SNX9: variants seen among roughly 807,000 people sequenced by gnomAD.
SNX9 encodes sorting nexin-9.
SNX9 carries 44 observed loss-of-function variants against 89.4 expected under a neutral mutation model. That is an observed-to-expected ratio of 0.49 (90% CI 0.39 to 0.63). The LOEUF (loss-of-function observed/expected upper bound fraction) is 0.63, where lower values mean the gene tolerates loss of function less well. Among genes scored for constraint, SNX9 ranks in the 30% least tolerant of loss-of-function variants. The pLI is 0.00. For missense variants in SNX9, 578 were observed against 736.1 expected (o/e 0.79, Z 2.49); for synonymous variants, 236 against 247.8 (o/e 0.95, Z 0.45).
chr6:157,908,403 C>A (rs1783263357), intron 7 of SNX9, among the ~76,000 whole-genome samples: 1 of 152,148 alleles, frequency 6.6e-6, no homozygotes, highest in African/African-American at 2.4e-5. Context: ...AATTATTTTT[C>A]ATTTTCAAGC....
At chr6:157,887,498 C>T (rs1782760135) in intron 4 of SNX9, among the ~76,000 whole-genome samples, 1 of 152,196 alleles carries the variant, frequency 6.6e-6, no homozygotes, top group African/African-American at 2.4e-5. Flanking sequence ...TATCCTCCCA[C>T]CACAGAGACC....
At chr6:157,873,647 T>C (rs1299781390) in intron 3 of SNX9, among the ~76,000 whole-genome samples, 1 of 149,058 alleles carries the variant, frequency 6.7e-6, no homozygotes, top group Non-Finnish European at 1.5e-5. Context: ...TAGATATATA[T>C]TTATAATATG....
intron 5 of SNX9, among the ~76,000 whole-genome samples, chr6:157,898,575 TC>T (rs1294960388): frequency 1.3e-5 from 2 of 152,234 alleles, no homozygotes; most frequent in Non-Finnish European, 2.9e-5. Flanking sequence ...ACCTCTGCAT[TC>T]ACTGTTTTAA....
intron 1 of SNX9, among the ~76,000 whole-genome samples, chr6:157,827,515 A>ATAGTTTATATAATATATAAACATATAT (rs1562586490): frequency 0.037 from 215 of 5,758 alleles, 89 homozygotes; most frequent in East Asian, 0.073. Context: ...ATATATAAAC[A>ATAGTTTATATAATATATAAACATATAT]TATAGTTTAT....
chr6:157,942,254 G>A (rs1262245146), intron 17 of SNX9, among the ~76,000 whole-genome samples: 2 of 152,192 alleles, frequency 1.3e-5, no homozygotes, highest in African/African-American at 4.8e-5. Flanking sequence ...CCAAGCCCTC[G>A]TGCTGGATGT....
intron 4 of SNX9, among the ~76,000 whole-genome samples, chr6:157,877,280 G>GC (rs897296460): frequency 4.9e-5 from 7 of 143,166 alleles, no homozygotes; most frequent in Non-Finnish European, 7.8e-5. Flanking sequence ...GAAAAAAAAA[G>GC]CGGGGGGGGC....
At chr6:157,936,081 T>A (rs1783918485) in intron 14 of SNX9, 41 bp downstream of exon 14, 1 of 1,485,984 alleles carries the variant, frequency 6.7e-7, no homozygotes, top group African/African-American at 1.4e-5. Context: ...GATTTGTTGC[T>A]ATCTAGTCCA....
intron 1 of SNX9, among the ~76,000 whole-genome samples, chr6:157,860,751 C>G (rs569139246): frequency 6.6e-6 from 1 of 152,136 alleles, no homozygotes; most frequent in Non-Finnish European, 1.5e-5. Flanking sequence ...CTGTTCTGCA[C>G]GAGTGAACTA....
chr6:157,942,675 A>G (rs1784066595), intron 17 of SNX9, 116 bp from the exon 18 acceptor site: 1 of 1,105,044 alleles, frequency 9.0e-7, no homozygotes, highest in Admixed American at 1.9e-5. Flanking sequence ...CAAAAAGACC[A>G]GTTAAAGAAT....
At chr6:157,849,660 G>A (rs1781869604) in intron 1 of SNX9, among the ~76,000 whole-genome samples, 1 of 152,208 alleles carries the variant, frequency 6.6e-6, no homozygotes, top group African/African-American at 2.4e-5. Flanking sequence ...TTAGAAAGTA[G>A]ATTTGCCAGG....
chr6:157,874,248 C>T (rs1446496618), intron 3 of SNX9: 2 of 152,326 alleles, frequency 1.3e-5, no homozygotes, highest in African/African-American at 4.8e-5. Flanking sequence ...CATGCACACA[C>T]CACAGCCTTT....
rs757911915 is a variant in SNX9, at chr6:157,937,450, A to T, written c.1460A>T (p.His487Leu). The change falls in exon 15 of 18, where the codon CAT becomes CTT. Residue 487 changes from histidine to leucine, a missense_variant. His to Leu is a moderately conservative substitution (Grantham distance 99). Transcript: ENST00000392185. ...LVAEQPKKDL[H>L]FLMECNHEYK... ...TTGTTATAGCCAAAGAAAGATCTCC[A>T]TTTCCTGATGGAATGTAATCACGAG... 1 of 1,613,414 alleles carries T rather than the reference A, an allele frequency of 6.2e-7. No individual in the cohort carries two copies. The highest frequency in any genetic ancestry group is 8.5e-7 in the Non-Finnish European group (1 of 1,179,488).
intron 2 of SNX9, among the ~76,000 whole-genome samples, chr6:157,870,620 C>T (rs1372077652): frequency 2.3e-3 from 258 of 112,214 alleles, no homozygotes; most frequent in Middle Eastern, 0.016. Context: ...TCTCACCTGC[C>T]CTCACACATA....
chr6:157,932,712 A>T (rs1004422652), intron 13 of SNX9, among the ~76,000 whole-genome samples: 3 of 151,552 alleles, frequency 2.0e-5, no homozygotes, highest in Non-Finnish European at 2.9e-5. Flanking sequence ...ACAAAAAAAT[A>T]AAAAATTAGC....
At chr6:157,918,615 GT>G (rs1412595098) in intron 9 of SNX9, among the ~76,000 whole-genome samples, 6 of 152,022 alleles carry the variant, frequency 3.9e-5, no homozygotes, top group Non-Finnish European at 7.4e-5. Flanking sequence ...TATTGACATG[GT>G]TAGATTCACA....
intron 4 of SNX9, among the ~76,000 whole-genome samples, chr6:157,881,607 G>A (rs930426478): frequency 6.6e-6 from 1 of 152,152 alleles, no homozygotes; most frequent in African/African-American, 2.4e-5. Flanking sequence ...GTTCTTGAAG[G>A]AAATTAAAAG....
In SNX9 at chr6:157,887,822, G is replaced by A. The variant is rs141903501; in HGVS notation, c.301-9005G>A. Among the ~76,000 whole-genome samples, 39 of 152,198 alleles carry A rather than the reference G, an allele frequency of 2.6e-4. 1 individual carries two copies. Among genetic ancestry groups the A allele is most frequent in the African/African-American group, 8.2e-4 (34 of 41,512 alleles). On this transcript the variant is annotated intron_variant, in intron 4 of 17. Transcript: ENST00000392185. ...ACCGCTTATTTCACAGGAGAGTTGC[G>A]CCTGAAAAGGATGCTGTCGTCCACT...
chr6:157,897,105 C>T (rs1782994539), intron 5 of SNX9, 107 bp downstream of exon 5: 2 of 1,132,642 alleles, frequency 1.8e-6, no homozygotes, highest in Admixed American at 6.3e-5. Flanking sequence ...CAACACAGAA[C>T]AGTTTTGTGA....
intron 9 of SNX9, among the ~76,000 whole-genome samples, chr6:157,915,133 A>G (rs371800551): frequency 9.2e-5 from 14 of 152,286 alleles, no homozygotes; most frequent in African/African-American, 2.6e-4. Flanking sequence ...TCTGGATTCT[A>G]TTCTGCTCCA....
Sources: gnomAD v4.1 joint callset for allele counts (sites outside exome capture counted in the v4.1 genomes callset) on GRCh38, gnomAD v4.1.1 for gene constraint, MANE v1.5 for transcripts, NCBI Gene and HGNC (gene_info 2026-07-23, HGNC 2026-07-21) for gene names.